Variants in SOCS6 observed in about 807,000 individuals in gnomAD.
SOCS6 encodes suppressor of cytokine signaling 6, also known as STAT induced STAT inhibitor-4.
Under a neutral mutation model 27.7 loss-of-function variants are expected in SOCS6, and 5 were observed. The observed-to-expected ratio is 0.18, with a 90% confidence interval of 0.09 to 0.38. SOCS6 has a LOEUF of 0.38. Ranked by LOEUF, SOCS6 falls within the 10% of genes least tolerant of loss-of-function variation. The probability of loss-of-function intolerance (pLI) is 1.00; values close to 1 mark genes in which losing one functional copy is unlikely to be tolerated. For synonymous variants in SOCS6, 271 were observed against 260.0 expected, an observed-to-expected ratio of 1.04 and a Z score of -0.41; for missense variants, 595 against 688.1, an observed-to-expected ratio of 0.86 and a Z score of 1.51.
At chr18:70,323,975 A>G (rs763555685) in intron 1 of SOCS6, among the ~76,000 whole-genome samples, 1 of 152,154 alleles carries the variant, frequency 6.6e-6, no homozygotes, top group South Asian at 2.1e-4. Flanking sequence ...GCAAGGTGCC[A>G]AAAGAACAAA....
rs186596241 is a variant in SOCS6, at chr18:70,313,491, C to T, written c.-126-11052C>T. ...CCTTCTAAAAAATATTTTTCTCCAA[C>T]TTTTATATTTTTTAAAAATAAATAT... On this transcript the variant is annotated intron_variant, in intron 1 of 1. Transcript: ENST00000397942. 1.4e-4 allele frequency among the ~76,000 whole-genome samples: 21 copies of T among 152,094 alleles called. No individual in the cohort carries two copies. The East Asian group carries it at 3.7e-3, about 27-fold the overall frequency.
At position 70,327,476 on chromosome 18, in the gene SOCS6, A is replaced by G. The variant is rs1911252931; in HGVS notation, c.*1200A>G. The G allele has an allele frequency of 6.0e-6, 1 of 166,550 alleles. No homozygotes were observed. Among genetic ancestry groups the G allele is most frequent in the Admixed American group, 6.6e-5 (1 of 15,266 alleles). 10.3% of individuals were successfully genotyped at this position (166,550 alleles called of 1,614,324 possible). A position where few individuals can be genotyped will look rare whatever the true frequency, so the allele number is the denominator to read the frequency against. Reference sequence around the variant, plus strand: ...TCTCACAATGTGAGAAAAATTCTAAACCATATTAGATAATGTGGAAGTCAT... The same window carrying G: ...TCTCACAATGTGAGAAAAATTCTAAGCCATATTAGATAATGTGGAAGTCAT... On this transcript the variant is annotated 3_prime_UTR_variant, in exon 2 of 2. Coordinates refer to ENST00000397942, the MANE Select transcript of SOCS6 (RefSeq NM_004232.4).
At chr18:70,297,491 T>C (rs1568596625) in intron 1 of SOCS6, among the ~76,000 whole-genome samples, 1 of 152,218 alleles carries the variant, frequency 6.6e-6, no homozygotes. Flanking sequence ...TGAAGCCACA[T>C]CTGTGTCACT....
At position 70,326,847 on chromosome 18, in the gene SOCS6, A is replaced by C. The variant is rs952753103; in HGVS notation, c.*571A>C. ...CTTGGGTAATGGAACGGAGATCTGC[A>C]ACATATCTTTTAACAACACTTTTTT... On this transcript the variant is annotated 3_prime_UTR_variant, in exon 2 of 2. Transcript: ENST00000397942. 1.2e-5 allele frequency: 2 copies of C among 167,050 alleles called. No individual in the cohort carries two copies. The highest frequency in any genetic ancestry group is 4.8e-5 in the African/African-American group (2 of 41,472). 10.3% of individuals were successfully genotyped at this position (167,050 alleles called of 1,614,324 possible). A position where few individuals can be genotyped will look rare whatever the true frequency, so the allele number is the denominator to read the frequency against.
intron 1 of SOCS6, 98 bp from the exon 2 acceptor site, chr18:70,324,445 G>T (rs1369744807): frequency 1.3e-5 from 5 of 393,680 alleles, no homozygotes; most frequent in Non-Finnish European, 2.2e-5. Flanking sequence ...AAAGACTGGG[G>T]TGTTCTCGTT....
intron 1 of SOCS6, among the ~76,000 whole-genome samples, chr18:70,291,719 T>C (rs573910647): frequency 1.1e-4 from 17 of 152,342 alleles, no homozygotes; most frequent in Admixed American, 3.3e-4. Flanking sequence ...ATTATTGTTA[T>C]TCTCTTAAAA....
At chr18:70,304,696 T>C (rs2062361800) in intron 1 of SOCS6, among the ~76,000 whole-genome samples, 2 of 152,270 alleles carry the variant, frequency 1.3e-5, no homozygotes, top group Admixed American at 1.3e-4. Context: ...TTCTAGCCTG[T>C]GGCTTAGAAG....
At chr18:70,295,392 A>G (rs41405450) in intron 1 of SOCS6, among the ~76,000 whole-genome samples, 21,513 of 152,230 alleles carry the variant, frequency 0.14, 1,547 homozygotes, top group Middle Eastern at 0.25. Flanking sequence ...TAGATGGTTG[A>G]AGCAGCTGGG....
chr18:70,299,819 G>A (rs1568597343), intron 1 of SOCS6, among the ~76,000 whole-genome samples: 1 of 152,080 alleles, frequency 6.6e-6, no homozygotes, highest in East Asian at 1.9e-4. Flanking sequence ...GTGCAAATAA[G>A]ACAACAAAAA....
chr18:70,291,129 T>A (rs1394727014), intron 1 of SOCS6, among the ~76,000 whole-genome samples: 1 of 152,204 alleles, frequency 6.6e-6, no homozygotes, highest in African/African-American at 2.4e-5. Context: ...TATCTTCTTT[T>A]TTGTTTTTCC....
intron 1 of SOCS6, among the ~76,000 whole-genome samples, chr18:70,319,753 T>C (rs1156369926): frequency 7.2e-5 from 11 of 152,168 alleles, no homozygotes; most frequent in Admixed American, 7.2e-4. Context: ...AAAGACACTT[T>C]CCAGTACATA....
intron 1 of SOCS6, among the ~76,000 whole-genome samples, chr18:70,321,321 T>TG (rs1342046900): frequency 1.5e-5 from 2 of 134,464 alleles, no homozygotes; most frequent in African/African-American, 5.6e-5. Context: ...AGTTTTTTTT[T>TG]TTTTTTTTTT....
At chr18:70,292,830 G>A (rs957471399) in intron 1 of SOCS6, among the ~76,000 whole-genome samples, 5 of 152,138 alleles carry the variant, frequency 3.3e-5, no homozygotes, top group African/African-American at 1.2e-4. Context: ...CAGTAGTTCT[G>A]TTTGCCTACA....
intron 1 of SOCS6, among the ~76,000 whole-genome samples, chr18:70,317,059 A>AT (rs1217963994): frequency 6.6e-6 from 1 of 152,088 alleles, no homozygotes. Context: ...TTTATAATGT[A>AT]TTTTTTATTT....
chr18:70,300,251 C>T (rs1281234714), intron 1 of SOCS6, among the ~76,000 whole-genome samples: 1 of 152,062 alleles, frequency 6.6e-6, no homozygotes, highest in Non-Finnish European at 1.5e-5. Flanking sequence ...CTCAGACTCC[C>T]AAGTAGCTGG....
intron 1 of SOCS6, among the ~76,000 whole-genome samples, chr18:70,315,544 C>G (rs1308804660): frequency 6.6e-6 from 1 of 152,154 alleles, no homozygotes; most frequent in Non-Finnish European, 1.5e-5. Context: ...TTTGTATAAG[C>G]ACATTCCCTT....
At chr18:70,323,853 C>G (rs1426588174) in intron 1 of SOCS6, among the ~76,000 whole-genome samples, 2 of 152,152 alleles carry the variant, frequency 1.3e-5, no homozygotes, top group African/African-American at 2.4e-5. Flanking sequence ...TGGGACATGG[C>G]AGGCAGCGGA....
Position 70,324,528 on chromosome 18 carries a change from A to G in SOCS6, c.-126-15A>G. 1.6e-6 allele frequency: 1 copy of G among 606,796 alleles called. No homozygotes were observed. Among genetic ancestry groups the G allele is most frequent in the South Asian group, 2.5e-5 (1 of 39,594 alleles). The allele number at this position is 606,796 out of a possible 1,614,324, so 37.6% of individuals were successfully genotyped here. A position where few individuals can be genotyped will look rare whatever the true frequency, so the allele number is the denominator to read the frequency against. ...TATTTTTTAATATGACTCTTTTTAT[A>G]TTTTTATTTTTTAGAAAATGGCTCC... On this transcript the variant is annotated splice_polypyrimidine_tract_variant and intron_variant, in intron 1 of 1. Coordinates refer to ENST00000397942, the MANE Select transcript of SOCS6 (RefSeq NM_004232.4).
intron 1 of SOCS6, among the ~76,000 whole-genome samples, chr18:70,302,548 G>C (rs1307125889): frequency 1.3e-5 from 2 of 152,092 alleles, no homozygotes; most frequent in South Asian, 4.1e-4. Context: ...TGACATAAGC[G>C]GAGTTGAATT....
Sources: gnomAD v4.1 joint callset for allele counts (sites outside exome capture counted in the v4.1 genomes callset) on GRCh38, gnomAD v4.1.1 for gene constraint, MANE v1.5 for transcripts, NCBI Gene and HGNC (gene_info 2026-07-23, HGNC 2026-07-21) for gene names.